The following NBPF15 variants were observed in gnomAD, a reference collection of about 807,000 sequenced individuals.
The protein encoded by NBPF15 is NBPF family member NBPF15.
In NBPF15, 74 loss-of-function variants were observed where a neutral mutation model predicts 62.2. That is an observed-to-expected ratio of 1.19 (90% CI 0.99 to 1.44). The LOEUF (loss-of-function observed/expected upper bound fraction) is 1.44. NBPF15 is among the 40% of genes most tolerant of loss of function. NBPF15 has a pLI of 0.00. For synonymous variants in NBPF15, 244 were observed against 209.7 expected, an observed-to-expected ratio of 1.16 and a Z score of -1.41; for missense variants, 790 against 550.0, an observed-to-expected ratio of 1.44 and a Z score of -4.36.
intron 3 of NBPF15, among the ~76,000 whole-genome samples, chr1:144,458,155 C>T (rs143257356): frequency 1.5e-4 from 23 of 152,128 alleles, no homozygotes; most frequent in Admixed American, 1.3e-4. Context: ...GTTTACATCA[C>T]ATCACGTCGG....
chr1:144,438,762 C>A (rs1680588772), intron 8 of NBPF15, among the ~76,000 whole-genome samples: 1 of 151,704 alleles, frequency 6.6e-6, no homozygotes. Context: ...ATTGTAGTAC[C>A]CTCTGAACAG....
At chr1:144,445,915 G>T (rs1687200774) in intron 6 of NBPF15, among the ~76,000 whole-genome samples, 3 of 136,106 alleles carry the variant, frequency 2.2e-5, no homozygotes, top group Admixed American at 1.5e-4. Flanking sequence ...GGAGTGCAGT[G>T]ATGCGATCTC....
intron 3 of NBPF15, among the ~76,000 whole-genome samples, chr1:144,457,400 C>T (rs1451661825): frequency 1.3e-5 from 2 of 151,788 alleles, no homozygotes; most frequent in African/African-American, 4.8e-5. Flanking sequence ...AACAAAAGCC[C>T]CAAAATCTTA....
intron 4 of NBPF15, among the ~76,000 whole-genome samples, chr1:144,452,373 A>G (rs1219383554): frequency 5.9e-5 from 9 of 152,022 alleles, no homozygotes; most frequent in Admixed American, 3.3e-4. Flanking sequence ...CCATCCCTAG[A>G]ATGCAATCTC....
rs1652953025 is a variant in NBPF15, at chr1:144,461,363, C to T, written c.-938+18G>A. 1 of 151,726 alleles carries T rather than the reference C, an allele frequency of 6.6e-6. No individual in the cohort carries two copies. 9.4% of individuals were successfully genotyped at this position (151,726 alleles called of 1,614,324 possible). A position where few individuals can be genotyped will look rare whatever the true frequency, so the allele number is the denominator to read the frequency against. On this transcript the variant is annotated intron_variant, in intron 1 of 21. Coordinates refer to ENST00000581897, the MANE Select transcript of NBPF15 (RefSeq NM_001385408.1). ...CCGCAGCTCGACCCAGCTGTGTACC[C>T]GCGGGTCCCGGACTCACCGCCCGCC...
intron 8 of NBPF15, among the ~76,000 whole-genome samples, chr1:144,438,487 T>C (rs1416286617): frequency 6.6e-6 from 1 of 151,954 alleles, no homozygotes; most frequent in African/African-American, 2.4e-5. Context: ...AGGACAAGTA[T>C]GTGAAAGATT....
At chr1:144,432,776 C>T (rs1406612980) in intron 13 of NBPF15, among the ~76,000 whole-genome samples, 17 of 151,866 alleles carry the variant, frequency 1.1e-4, no homozygotes, top group Middle Eastern at 6.8e-3. Flanking sequence ...TATATATGCA[C>T]CCTATACAGG....
chr1:144,435,295 T>A lies in NBPF15; in HGVS notation c.588A>T (p.Glu196Asp), dbSNP rs1677372006. 3.1e-6 allele frequency: 5 copies of A among 1,610,448 alleles called. No individual in the cohort carries two copies. The highest frequency in any genetic ancestry group is 4.2e-6 in the Non-Finnish European group (5 of 1,178,604). Residue 196 changes from glutamate to aspartate, a missense_variant, in exon 12 of 22, where the codon GAA becomes GAT. By Grantham distance (45) the Glu-to-Asp change is conservative. Coordinates refer to ENST00000581897, the MANE Select transcript of NBPF15 (RefSeq NM_001385408.1). ...SAPREMQKAE[E>D]KEVPEDSLEE... Reference sequence around the variant, plus strand: ...CCAGTGAGTCCTCAGGGACTTCCTTTTCTTCAGCCTTCTGCATCTCCCTGA... The same window carrying A: ...CCAGTGAGTCCTCAGGGACTTCCTTATCTTCAGCCTTCTGCATCTCCCTGA...
Position 144,439,924 on chromosome 1 carries a change from T to A in NBPF15, c.80A>T (p.Gln27Leu). 6.2e-7 allele frequency: 1 copy of A among 1,611,562 alleles called. No individual in the cohort carries two copies. Among genetic ancestry groups the A allele is most frequent in the East Asian group, 2.2e-5 (1 of 44,856 alleles). Reference protein sequence around the residue: ...ILEINEKLRPQLAEKKQQFRN... With the variant: ...ILEINEKLRPLLAEKKQQFRN... ...GAACTGCTGTTTCTTCTCTGCCAACTGGGGGCGCAATTTCTCATTGATTTC... is the reference window on the plus strand; with the variant it reads ...GAACTGCTGTTTCTTCTCTGCCAACAGGGGGCGCAATTTCTCATTGATTTC... The change falls in exon 8 of 22, where the codon CAG (glutamine) becomes CTG (leucine). Residue 27 changes from glutamine to leucine, a missense_variant. Coordinates refer to ENST00000581897, the MANE Select transcript of NBPF15 (RefSeq NM_001385408.1).
At chr1:144,453,850 C>T (rs1191090681) in intron 4 of NBPF15, among the ~76,000 whole-genome samples, 15 of 135,788 alleles carry the variant, frequency 1.1e-4, no homozygotes, top group Non-Finnish European at 2.2e-4. Context: ...GAGGAACAAC[C>T]AGAACTCTCC....
At position 144,426,427 on chromosome 1, in the gene NBPF15, T is replaced by C; in HGVS notation, c.1289A>G (p.Glu430Gly). The stretch of plus-strand genomic sequence containing the variant: ...GTCCTGCAAGACTTCAGGCTCTTTC[T>C]CATCCAGCAGCTCCCTGCTGAGCCT... ...CPRLSRELLD[E>G]KEPEVLQDSL... The change falls in exon 18 of 22, where the codon GAG becomes GGG. Residue 430 changes from glutamate to glycine, a missense_variant. Transcript: ENST00000581897. 1 of 800,556 alleles carries C rather than the reference T, an allele frequency of 1.2e-6. No homozygotes were observed. The highest frequency in any genetic ancestry group is 2.3e-6 in the Non-Finnish European group (1 of 440,474). The allele number at this position is 800,556 out of a possible 1,614,324, so 49.6% of individuals were successfully genotyped here. A position where few individuals can be genotyped will look rare whatever the true frequency, so the allele number is the denominator to read the frequency against.
At chr1:144,458,779 C>T (rs1279030039) in intron 3 of NBPF15, among the ~76,000 whole-genome samples, 1 of 152,106 alleles carries the variant, frequency 6.6e-6, no homozygotes, top group African/African-American at 2.4e-5. Flanking sequence ...GTGGCTCATG[C>T]CTGTAATCCC....
intron 10 of NBPF15, among the ~76,000 whole-genome samples, chr1:144,436,172 G>T (rs1278515397): frequency 6.6e-6 from 1 of 151,936 alleles, no homozygotes; most frequent in South Asian, 2.1e-4. Context: ...TGATTCCCAG[G>T]CACAGGCTTG....
chr1:144,442,014 G>A (rs1318469157), intron 6 of NBPF15, among the ~76,000 whole-genome samples: 3 of 147,202 alleles, frequency 2.0e-5, no homozygotes, highest in East Asian at 2.0e-4. Flanking sequence ...CCTGTCATGG[G>A]GTGAGGGCTG....
At chr1:144,451,571 C>T (rs587686447) in intron 4 of NBPF15, among the ~76,000 whole-genome samples, 15 of 152,040 alleles carry the variant, frequency 9.9e-5, no homozygotes, top group East Asian at 9.7e-4. Context: ...TGCAGTCTTC[C>T]GCAGTGTAGT....
At position 144,427,137 on chromosome 1, in the gene NBPF15, G is replaced by A. The variant is rs1483014220; in HGVS notation, c.1214-39C>T. ...AGACATGGACAGACATATTAAGCTG[G>A]TTCTCCTACACACATAACAATCCAC... On this transcript the variant is annotated intron_variant, in intron 16 of 21. Transcript: ENST00000581897. The A allele has an allele frequency of 6.5e-4, 362 of 559,034 alleles. 1 individual carries two copies. The African/African-American group carries it at 6.9e-3, about 11-fold the overall frequency. The allele number at this position is 559,034 out of a possible 1,614,324, so 34.6% of individuals were successfully genotyped here.
intron 6 of NBPF15, among the ~76,000 whole-genome samples, chr1:144,445,893 G>A (rs1279810469): frequency 1.8e-5 from 2 of 113,742 alleles, no homozygotes; most frequent in East Asian, 2.5e-4. Context: ...GTCTTGCTCT[G>A]TTACCCAGGC....
chr1:144,425,079 C>CAAAG (rs1316622589), intron 19 of NBPF15, among the ~76,000 whole-genome samples: 1 of 145,536 alleles, frequency 6.9e-6, no homozygotes, highest in African/African-American at 2.6e-5. Context: ...CACACACACA[C>CAAAG]ACACACACAC....
chr1:144,446,098 C>T (rs1211066000), intron 6 of NBPF15, among the ~76,000 whole-genome samples: 3 of 151,168 alleles, frequency 2.0e-5, no homozygotes, highest in Non-Finnish European at 4.4e-5. Flanking sequence ...CATGATCTGC[C>T]CACCTCGGCC....
Sources: allele counts gnomAD v4.1 joint callset (sites outside exome capture counted in the v4.1 genomes callset), GRCh38; gene constraint gnomAD v4.1.1; transcripts MANE v1.5; gene names NCBI Gene and HGNC (gene_info 2026-07-23, HGNC 2026-07-21).